UCHL3: variants seen among roughly 807,000 people sequenced by gnomAD.
UCHL3 encodes ubiquitin C-terminal hydrolase L3.
A neutral mutation model predicts 35.8 loss-of-function variants in UCHL3; 22 were observed. That is an observed-to-expected ratio of 0.61 (90% confidence interval 0.44 to 0.88). UCHL3 has a LOEUF of 0.88. UCHL3 is among the 40% of genes least tolerant of loss of function. The pLI, the probability that UCHL3 is intolerant of heterozygous loss-of-function variation, is 0.00. For synonymous variants in UCHL3, 90 were observed against 92.8 expected (o/e 0.97, Z 0.17); for missense variants, 229 against 276.9 (o/e 0.83, Z 1.23).
intron 3 of UCHL3, among the ~76,000 whole-genome samples, chr13:75,563,484 A>G (rs1433450529): frequency 1.3e-5 from 2 of 152,192 alleles, no homozygotes; most frequent in African/African-American, 2.4e-5. Flanking sequence ...AAAGTCAATC[A>G]TGGTGGGTTT....
chr13:75,575,028 T>C (rs1326012723), intron 6 of UCHL3, among the ~76,000 whole-genome samples: 2 of 152,156 alleles, frequency 1.3e-5, no homozygotes, highest in East Asian at 3.8e-4. Context: ...AATAATATAG[T>C]GTAATAACAA....
At chr13:75,561,896 C>T (rs1464296661) in intron 3 of UCHL3, among the ~76,000 whole-genome samples, 1 of 151,042 alleles carries the variant, frequency 6.6e-6, no homozygotes, top group Non-Finnish European at 1.5e-5. Context: ...CATATATACA[C>T]ACACATGCAC....
chr13:75,592,417 T>TATATATATATATGTAC (rs1566227778), intron 6 of UCHL3, among the ~76,000 whole-genome samples: 1 of 33,998 alleles, frequency 2.9e-5, no homozygotes, highest in African/African-American at 1.8e-4. Context: ...TTTTCCTTCA[T>TATATATATATATGTAC]ATATATATAT....
rs757382777 is a variant in UCHL3 at position 75,549,798 on chromosome 13, C to T, written c.-23C>T. ...GCGGCGAAGGCGGCGGCTGTCAGAG[C>T]TGGAGGGCCGGGCACCGCGGCCATG... On this transcript the variant is annotated 5_prime_UTR_variant, in exon 1 of 9. Transcript: ENST00000377595. The T allele has an allele frequency of 2.6e-6, 4 of 1,529,620 alleles. No homozygotes were observed. The highest frequency in any genetic ancestry group is 4.7e-5 in the East Asian group (2 of 42,364). The allele number at this position is 1,529,620 out of a possible 1,614,324, so 94.8% of individuals were successfully genotyped here. A position where few individuals can be genotyped will look rare whatever the true frequency, so the allele number is the denominator to read the frequency against.
chr13:75,552,239 CTA>C (rs1289711205), intron 2 of UCHL3, among the ~76,000 whole-genome samples: 3 of 152,086 alleles, frequency 2.0e-5, no homozygotes, highest in Admixed American at 2.0e-4. Context: ...TCTTTATTCT[CTA>C]TGTTTTAGTG....
intron 6 of UCHL3, among the ~76,000 whole-genome samples, chr13:75,593,346 A>G (rs1240750133): frequency 1.3e-5 from 2 of 152,212 alleles, no homozygotes; most frequent in African/African-American, 2.4e-5. Flanking sequence ...GTGGCCAGTA[A>G]TATTTTTTGA....
At chr13:75,574,536 T>A (rs1354118579) in intron 6 of UCHL3, among the ~76,000 whole-genome samples, 1 of 152,192 alleles carries the variant, frequency 6.6e-6, no homozygotes, top group South Asian at 2.1e-4. Flanking sequence ...CCACTGCTTA[T>A]TAGCTTAGGC....
rs1336323854 is a variant in UCHL3 at position 75,605,723 on chromosome 13, C to A, written c.610-6C>A. 2.5e-6 allele frequency: 4 copies of A among 1,605,944 alleles called. No individual in the cohort carries two copies. The East Asian group carries it at 8.9e-5, about 36-fold the overall frequency. On this transcript the variant is annotated splice_region_variant and splice_polypyrimidine_tract_variant and intron_variant, in intron 8 of 8. Coordinates refer to ENST00000377595, the MANE Select transcript of UCHL3 (RefSeq NM_006002.5). ...GAAAAATCATACTTTTTTTTTTCCT[C>A]CATAGGATGCCATAGAAGTTTGCAA...
At chr13:75,575,401 T>G (rs1266323046) in intron 6 of UCHL3, among the ~76,000 whole-genome samples, 1 of 152,200 alleles carries the variant, frequency 6.6e-6, no homozygotes, top group Non-Finnish European at 1.5e-5. Context: ...ATGAGGAAAT[T>G]AAATTATTAG....
chr13:75,596,864 G>T (rs1382459424), intron 7 of UCHL3, among the ~76,000 whole-genome samples: 1 of 152,180 alleles, frequency 6.6e-6, no homozygotes, highest in African/African-American at 2.4e-5. Context: ...AACACAAAAG[G>T]ATTTTAAAAT....
At chr13:75,600,272 A>G (rs951378906) in intron 7 of UCHL3, among the ~76,000 whole-genome samples, 41 of 152,234 alleles carry the variant, frequency 2.7e-4, no homozygotes, top group Admixed American at 1.5e-3. Flanking sequence ...CAGAAGATCA[A>G]GCTCAGATCT....
intron 6 of UCHL3, among the ~76,000 whole-genome samples, chr13:75,592,791 A>G (rs1458833545): frequency 6.6e-6 from 1 of 151,992 alleles, no homozygotes; most frequent in Non-Finnish European, 1.5e-5. Flanking sequence ...ATGCACTTTT[A>G]GATTAAAGGT....
intron 6 of UCHL3, among the ~76,000 whole-genome samples, chr13:75,574,781 A>C (rs2031971215): frequency 6.6e-6 from 1 of 152,236 alleles, no homozygotes; most frequent in African/African-American, 2.4e-5. Context: ...CTTGGATTTT[A>C]TAGATGGAGA....
At chr13:75,549,542 G>A (rs2281762), upstream of UCHL3, 211,282 of 428,818 alleles carry the variant, frequency 0.49, 55,644 homozygotes, top group East Asian at 0.67. Flanking sequence ...AGCGTGAGGG[G>A]AGAGGGCTGT....
intron 7 of UCHL3, among the ~76,000 whole-genome samples, chr13:75,601,469 AT>A: frequency 6.6e-6 from 1 of 152,348 alleles, no homozygotes; most frequent in Non-Finnish European, 1.5e-5. Context: ...GTCAGGAGAT[AT>A]CAACATCAAA....
chr13:75,562,250 A>G (rs2031543123), intron 3 of UCHL3, among the ~76,000 whole-genome samples: 1 of 152,112 alleles, frequency 6.6e-6, no homozygotes, highest in Non-Finnish European at 1.5e-5. Flanking sequence ...CTTCTACTTA[A>G]GGGTTCTACA....
intron 6 of UCHL3, among the ~76,000 whole-genome samples, chr13:75,592,812 A>G (rs2032548115): frequency 6.6e-6 from 1 of 152,218 alleles, no homozygotes; most frequent in East Asian, 1.9e-4. Flanking sequence ...GCAACGATGC[A>G]CAATTTTGAG....
At chr13:75,560,257 C>T (rs950881994) in intron 2 of UCHL3, among the ~76,000 whole-genome samples, 1 of 152,120 alleles carries the variant, frequency 6.6e-6, no homozygotes, top group Non-Finnish European at 1.5e-5. Flanking sequence ...TATTTATTTA[C>T]TATAACTTAA....
chr13:75,584,388 A>G (rs2032267113), intron 6 of UCHL3, among the ~76,000 whole-genome samples: 1 of 152,172 alleles, frequency 6.6e-6, no homozygotes, highest in Non-Finnish European at 1.5e-5. Flanking sequence ...AAAACATCCT[A>G]CAACCCAACT....
Sources: allele counts gnomAD v4.1 joint callset (sites outside exome capture counted in the v4.1 genomes callset), GRCh38; gene constraint gnomAD v4.1.1; transcripts MANE v1.5; gene names NCBI Gene and HGNC (gene_info 2026-07-23, HGNC 2026-07-21).